The following PALLD variants were observed in gnomAD, a reference collection of about 807,000 sequenced individuals.
PALLD encodes palladin.
Under a neutral mutation model 123.5 loss-of-function variants are expected in PALLD, and 61 were observed. The observed-to-expected ratio is 0.49, with a 90% CI of 0.40 to 0.61. The LOEUF is 0.61. PALLD is among the 20% of genes least tolerant of loss of function. The pLI is 0.00. For missense variants in PALLD, 1,273 were observed against 1,377.0 expected (o/e 0.92, Z 1.20); for synonymous variants, 465 against 496.4 (o/e 0.94, Z 0.84).
Position 168,909,517 on chromosome 4 carries a change from C to T in PALLD, c.2623-4410C>T, listed in dbSNP as rs967807585. ...TTTGGAATGGAAAAGTAACACACAA[C>T]TGAGTTAAATATAAAATGTTAGTTT... On this transcript the variant is annotated intron_variant, in intron 15 of 21. Transcript: ENST00000505667. Among the ~76,000 whole-genome samples the T allele has an allele frequency of 2.6e-5, 4 of 152,206 alleles. No individual in the cohort carries two copies. In the South Asian group the frequency reaches 8.3e-4, roughly 32 times the overall value.
chr4:168,652,298 C>T (rs527604344), intron 2 of PALLD, among the ~76,000 whole-genome samples: 15 of 152,094 alleles, frequency 9.9e-5, no homozygotes, highest in Non-Finnish European at 1.9e-4. Flanking sequence ...GTGGGATATT[C>T]AGGAAACTAC....
At chr4:168,633,113 T>A (rs1231900536) in intron 2 of PALLD, among the ~76,000 whole-genome samples, 1 of 152,214 alleles carries the variant, frequency 6.6e-6, no homozygotes, top group Admixed American at 6.5e-5. Flanking sequence ...TGAAAAAGAC[T>A]TTCTATCAGC....
intron 2 of PALLD, among the ~76,000 whole-genome samples, chr4:168,649,574 C>G (rs895359012): frequency 1.3e-4 from 20 of 152,142 alleles, no homozygotes; most frequent in Non-Finnish European, 2.8e-4. Flanking sequence ...TTTTCCTTAG[C>G]TTTGGAAAGA....
intron 10 of PALLD, among the ~76,000 whole-genome samples, chr4:168,840,475 G>C (rs558380413): frequency 6.6e-6 from 1 of 152,132 alleles, no homozygotes; most frequent in African/African-American, 2.4e-5. Context: ...TGCAAACCTA[G>C]AAAAGTATAC....
At chr4:168,642,155 T>G (rs1164548460) in intron 2 of PALLD, among the ~76,000 whole-genome samples, 1 of 152,142 alleles carries the variant, frequency 6.6e-6, no homozygotes. Flanking sequence ...ATCCCTCGGG[T>G]CTTTCAGGAT....
intron 8 of PALLD, among the ~76,000 whole-genome samples, chr4:168,691,676 A>G (rs1782647161): frequency 6.6e-6 from 1 of 152,046 alleles, no homozygotes; most frequent in Non-Finnish European, 1.5e-5. Context: ...CCCACTAACA[A>G]CCCCAGCTTA....
At chr4:168,812,991 G>A (rs1741382672) in intron 10 of PALLD, among the ~76,000 whole-genome samples, 2 of 152,304 alleles carry the variant, frequency 1.3e-5, no homozygotes, top group South Asian at 2.1e-4. Flanking sequence ...TGGGCCTGGA[G>A]CTGAGGGACC....
chr4:168,694,423 C>T (rs1031444656), intron 8 of PALLD, among the ~76,000 whole-genome samples: 6 of 152,076 alleles, frequency 3.9e-5, no homozygotes, highest in Non-Finnish European at 7.4e-5. Flanking sequence ...CACTCTTGCT[C>T]GCTCTCTCCC....
intron 10 of PALLD, among the ~76,000 whole-genome samples, chr4:168,741,707 G>C (rs2150349843): frequency 6.6e-6 from 1 of 152,026 alleles, no homozygotes; most frequent in South Asian, 2.1e-4. Context: ...AAACAAAAAA[G>C]AATGGTTGGA....
At chr4:168,900,213 A>G (rs1582011798) in intron 14 of PALLD, among the ~76,000 whole-genome samples, 1 of 151,954 alleles carries the variant, frequency 6.6e-6, no homozygotes, top group South Asian at 2.1e-4. Flanking sequence ...TGATCCCGTC[A>G]CCTCCCGCCA....
At chr4:168,873,467 C>A (rs974363202) in intron 10 of PALLD, among the ~76,000 whole-genome samples, 2 of 152,032 alleles carry the variant, frequency 1.3e-5, no homozygotes, top group Non-Finnish European at 2.9e-5. Context: ...TTACGAATAC[C>A]CCATCTTTAT....
intron 10 of PALLD, among the ~76,000 whole-genome samples, chr4:168,749,032 G>T (rs1403884795): frequency 6.6e-6 from 1 of 152,164 alleles, no homozygotes; most frequent in Non-Finnish European, 1.5e-5. Flanking sequence ...AGTGTTGGAG[G>T]TGGGGCCTGG....
chr4:168,797,350 G>T (rs577158682), intron 10 of PALLD, among the ~76,000 whole-genome samples: 1 of 151,752 alleles, frequency 6.6e-6, no homozygotes, highest in African/African-American at 2.4e-5. Context: ...TCATCCAAAA[G>T]TTGAGTATAT....
intron 2 of PALLD, among the ~76,000 whole-genome samples, chr4:168,601,416 G>A (rs1772637304): frequency 6.6e-6 from 1 of 152,096 alleles, no homozygotes; most frequent in Non-Finnish European, 1.5e-5. Flanking sequence ...AGAATGCCAT[G>A]AATAGCCTGT....
chr4:168,691,212 A>T, intron 7 of PALLD, 57 bp from the exon 8 acceptor site: 1 of 1,301,540 alleles, frequency 7.7e-7, no homozygotes, highest in Non-Finnish European at 1.1e-6. Context: ...TTTTTTAATT[A>T]AATGGAACCC....
At chr4:168,578,904 C>T (rs976219256) in intron 2 of PALLD, among the ~76,000 whole-genome samples, 1 of 152,058 alleles carries the variant, frequency 6.6e-6, no homozygotes, top group Non-Finnish European at 1.5e-5. Flanking sequence ...TGAGGCTCAC[C>T]CATTAACATT....
intron 10 of PALLD, among the ~76,000 whole-genome samples, chr4:168,736,870 C>T (rs1237369390): frequency 6.6e-6 from 1 of 152,060 alleles, no homozygotes; most frequent in African/African-American, 2.4e-5. Flanking sequence ...GAAAAACAGA[C>T]CCTCAGGAGA....
chr4:168,691,209 A>T, intron 7 of PALLD, 60 bp from the exon 8 acceptor site: 1 of 1,272,882 alleles, frequency 7.9e-7, no homozygotes, highest in Non-Finnish European at 1.1e-6. Context: ...GTTTTTTTTA[A>T]TTAAATGGAA....
intron 2 of PALLD, among the ~76,000 whole-genome samples, chr4:168,531,659 T>A (rs964809857): frequency 2.6e-5 from 4 of 152,074 alleles, no homozygotes; most frequent in African/African-American, 9.7e-5. Context: ...CAGTGAAAAA[T>A]CATGAATGCT....
Sources: gnomAD v4.1 joint callset for allele counts (sites outside exome capture counted in the v4.1 genomes callset) on GRCh38, gnomAD v4.1.1 for gene constraint, MANE v1.5 for transcripts, NCBI Gene and HGNC (gene_info 2026-07-23, HGNC 2026-07-21) for gene names.